NTM: variants seen among roughly 807,000 people sequenced by gnomAD.
NTM encodes neurotrimin, also known as IgLON family member 2.
NTM carries 13 observed loss-of-function variants against 42.1 expected under a neutral mutation model. The ratio of observed to expected loss-of-function variants is 0.31; its 90% CI spans 0.20 to 0.49. The LOEUF (loss-of-function observed/expected upper bound fraction) is 0.49. Ranked by LOEUF, NTM falls within the 20% of genes least tolerant of loss-of-function variation. The pLI, the probability that NTM is intolerant of heterozygous loss-of-function variation, is 0.99. For missense variants in NTM, 373 were observed against 452.8 expected (o/e 0.82, Z 1.60); for synonymous variants, 187 against 179.2 (o/e 1.04, Z -0.35).
At chr11:131,973,619 C>T (rs770394816) in intron 2 of NTM, among the ~76,000 whole-genome samples, 42 of 152,186 alleles carry the variant, frequency 2.8e-4, no homozygotes, top group Non-Finnish European at 5.4e-4. Flanking sequence ...GAGTTCGAGA[C>T]CAGCTTGGCC....
intron 2 of NTM, among the ~76,000 whole-genome samples, chr11:131,956,146 C>CTA (rs2061532672): frequency 1.3e-5 from 2 of 152,160 alleles, no homozygotes; most frequent in Non-Finnish European, 2.9e-5. Flanking sequence ...ATTAGCCGCA[C>CTA]TATAGAGACC....
intron 1 of NTM, among the ~76,000 whole-genome samples, chr11:131,575,900 G>A (rs1235955989): frequency 2.6e-5 from 4 of 152,106 alleles, no homozygotes; most frequent in Non-Finnish European, 2.9e-5. Flanking sequence ...TATCTCAAGT[G>A]GCAAATATAC....
chr11:132,059,336 T>C (rs1368131270), intron 2 of NTM, among the ~76,000 whole-genome samples: 3 of 152,196 alleles, frequency 2.0e-5, no homozygotes, highest in African/African-American at 7.2e-5. Context: ...TCTGAGAGTC[T>C]GGCCTCCACA....
chr11:131,713,890 G>A lies in NTM; in HGVS notation c.83-197674G>A, dbSNP rs564283695. On this transcript the variant is annotated intron_variant, in intron 1 of 8. Transcript: ENST00000683400. ...AAGTACATTTGGAAGAGGGCCAAGC[G>A]GGTGACTTGAGAGATTTTAGTGCAC... 3.3e-5 allele frequency among the ~76,000 whole-genome samples: 5 copies of A among 152,300 alleles called. No homozygotes were observed. In the South Asian group the frequency reaches 6.2e-4, roughly 19 times the overall value.
intron 1 of NTM, among the ~76,000 whole-genome samples, chr11:131,800,009 T>A (rs1242907434): frequency 6.6e-6 from 1 of 152,142 alleles, no homozygotes; most frequent in Admixed American, 6.5e-5. Flanking sequence ...TTGGAGGATG[T>A]GATGAGATGA....
intron 2 of NTM, among the ~76,000 whole-genome samples, chr11:131,982,297 G>T (rs946189774): frequency 1.3e-5 from 2 of 152,138 alleles, no homozygotes; most frequent in African/African-American, 4.8e-5. Flanking sequence ...ACCCTCCCCA[G>T]TGTGGGGTTT....
At chr11:131,530,092 T>C (rs2051038893) in intron 1 of NTM, among the ~76,000 whole-genome samples, 1 of 152,166 alleles carries the variant, frequency 6.6e-6, no homozygotes. Flanking sequence ...TATCTTAAAA[T>C]CCTTCCACAC....
chr11:131,550,538 G>A (rs1175305386), intron 1 of NTM, among the ~76,000 whole-genome samples: 1 of 152,012 alleles, frequency 6.6e-6, no homozygotes, highest in Non-Finnish European at 1.5e-5. Context: ...TCCTGCTCTG[G>A]CCATGCAAGA....
intron 2 of NTM, among the ~76,000 whole-genome samples, chr11:132,012,466 C>T (rs1012320443): frequency 5.3e-5 from 8 of 151,998 alleles, no homozygotes; most frequent in African/African-American, 1.9e-4. Context: ...ATGAGGTTAT[C>T]GCCACCCCTT....
intron 1 of NTM, among the ~76,000 whole-genome samples, chr11:131,874,025 A>AT (rs1220480078): frequency 1.3e-5 from 1 of 75,448 alleles, no homozygotes; most frequent in African/African-American, 3.7e-5. Flanking sequence ...TATATAATAT[A>AT]ATATAATATA....
At chr11:132,234,570 C>A (rs953638684) in intron 4 of NTM, among the ~76,000 whole-genome samples, 2 of 152,196 alleles carry the variant, frequency 1.3e-5, no homozygotes, top group Non-Finnish European at 2.9e-5. Flanking sequence ...TACTACATTT[C>A]TTTTGAATTC....
At chr11:132,015,382 T>A (rs953234165) in intron 2 of NTM, among the ~76,000 whole-genome samples, 4 of 152,044 alleles carry the variant, frequency 2.6e-5, no homozygotes, top group East Asian at 3.8e-4. Flanking sequence ...ATATCTTTTT[T>A]AAAGTTCCAT....
chr11:131,809,822 A>G (rs61189432), intron 1 of NTM, among the ~76,000 whole-genome samples: 29,238 of 152,174 alleles, frequency 0.19, 5,598 homozygotes, highest in African/African-American at 0.5. Flanking sequence ...TCTGTGTCCC[A>G]AAGGTAGGTG....
intron 3 of NTM, among the ~76,000 whole-genome samples, chr11:132,160,533 T>C (rs573584765): frequency 1.3e-5 from 2 of 152,332 alleles, no homozygotes; most frequent in Admixed American, 6.5e-5. Context: ...GAACATCTAC[T>C]ATGAGCCAGG....
At chr11:131,666,704 T>C (rs1364230312) in intron 1 of NTM, among the ~76,000 whole-genome samples, 1 of 152,118 alleles carries the variant, frequency 6.6e-6, no homozygotes, top group Non-Finnish European at 1.5e-5. Context: ...CCTCAGCCTC[T>C]CTGGTCCACA....
At chr11:132,227,538 T>C (rs1265836632) in intron 4 of NTM, among the ~76,000 whole-genome samples, 2 of 152,070 alleles carry the variant, frequency 1.3e-5, no homozygotes, top group Non-Finnish European at 2.9e-5. Flanking sequence ...CCTTGGTCCT[T>C]TACTGGCTAT....
chr11:131,650,852 G>A (rs1487432004), intron 1 of NTM, among the ~76,000 whole-genome samples: 2 of 152,166 alleles, frequency 1.3e-5, no homozygotes, highest in Non-Finnish European at 2.9e-5. Flanking sequence ...TTCAGGGGTT[G>A]GTAAATGAGT....
Position 132,131,610 on chromosome 11 carries a change from A to G in NTM, c.168-14672A>G, listed in dbSNP as rs1437681131. Among the ~76,000 whole-genome samples, 3 of 152,032 alleles carry G rather than the reference A, an allele frequency of 2.0e-5. No homozygotes were observed. In the East Asian group the frequency reaches 5.8e-4, roughly 29 times the overall value. On this transcript the variant is annotated intron_variant, in intron 2 of 8. Transcript: ENST00000683400. Reference sequence around the variant, plus strand: ...GGCAGTGTGGGAAATGGGTTGGGGCATGGGAGAGCATGCCACACTAAGGAA... The same window carrying G: ...GGCAGTGTGGGAAATGGGTTGGGGCGTGGGAGAGCATGCCACACTAAGGAA...
At position 132,065,122 on chromosome 11, in the gene NTM, G is replaced by A. The variant is rs181594137; in HGVS notation, c.168-81160G>A. Among the ~76,000 whole-genome samples the A allele has an allele frequency of 1.1e-3, 164 of 152,256 alleles. 1 individual carries two copies. The highest frequency in any genetic ancestry group is 3.8e-3 in the African/African-American group (156 of 41,554). On this transcript the variant is annotated intron_variant, in intron 2 of 8. Coordinates refer to ENST00000683400, the MANE Select transcript of NTM (RefSeq NM_001352005.2). ...GGGAAACTCCTACAGCTGGCTGTCC[G>A]GATCACCAGGAATCATGAAAGCAGG...
Sources: allele counts gnomAD v4.1 joint callset (sites outside exome capture counted in the v4.1 genomes callset), GRCh38; gene constraint gnomAD v4.1.1; transcripts MANE v1.5; gene names NCBI Gene and HGNC (gene_info 2026-07-23, HGNC 2026-07-21).